The following ARHGAP5 variants were observed in gnomAD, a reference collection of about 807,000 sequenced individuals.
The protein encoded by ARHGAP5 is Rho GTPase activating protein 5.
In ARHGAP5, 23 loss-of-function variants were observed where a neutral mutation model predicts 116.6. The observed-to-expected ratio is 0.20, with a 90% CI of 0.14 to 0.28. The LOEUF is 0.28. Among genes scored for constraint, ARHGAP5 ranks in the 10% least tolerant of loss-of-function variants. The probability of loss-of-function intolerance (pLI) is 1.00; values close to 1 mark genes in which losing one functional copy is unlikely to be tolerated. For missense variants in ARHGAP5, 1,405 were observed against 1,774.8 expected, an observed-to-expected ratio of 0.79 and a Z score of 3.74; for synonymous variants, 574 against 602.0, an observed-to-expected ratio of 0.95 and a Z score of 0.68.
intron 1 of ARHGAP5, among the ~76,000 whole-genome samples, chr14:32,077,925 A>AG (rs544651248): frequency 6.4e-4 from 98 of 152,176 alleles, no homozygotes; most frequent in African/African-American, 2.0e-3. Flanking sequence ...AACGCCTTGT[A>AG]GGGGGGATCG....
chr14:32,082,812 T>G (rs2041791279), intron 1 of ARHGAP5, among the ~76,000 whole-genome samples: 1 of 152,260 alleles, frequency 6.6e-6, no homozygotes. Flanking sequence ...AGTGTTGAGA[T>G]TACAGGCATG....
At chr14:32,118,814 C>T (rs765013657) in intron 3 of ARHGAP5, among the ~76,000 whole-genome samples, 3 of 152,116 alleles carry the variant, frequency 2.0e-5, no homozygotes, top group Non-Finnish European at 4.4e-5. Flanking sequence ...TTAGAACATA[C>T]TTTCCTTTAG....
chr14:32,133,861 T>C (rs1201971294), intron 3 of ARHGAP5, among the ~76,000 whole-genome samples: 3 of 152,204 alleles, frequency 2.0e-5, no homozygotes, highest in Non-Finnish European at 2.9e-5. Flanking sequence ...TTGTCTTTGG[T>C]TCTGTTTATA....
intron 2 of ARHGAP5, among the ~76,000 whole-genome samples, chr14:32,103,775 G>T (rs1220485385): frequency 6.6e-6 from 1 of 152,038 alleles, no homozygotes; most frequent in Non-Finnish European, 1.5e-5. Flanking sequence ...AGTGTGGATG[G>T]AGTACTCAAG....
At chr14:32,081,849 A>G (rs536359876) in intron 1 of ARHGAP5, among the ~76,000 whole-genome samples, 2 of 152,318 alleles carry the variant, frequency 1.3e-5, no homozygotes, top group East Asian at 1.9e-4. Flanking sequence ...AGCCAAGGTA[A>G]TATCTCTTTT....
chr14:32,079,616 A>G (rs1450451229), intron 1 of ARHGAP5, among the ~76,000 whole-genome samples: 10 of 152,190 alleles, frequency 6.6e-5, no homozygotes, highest in African/African-American at 2.4e-5. Flanking sequence ...AGTAGCGATA[A>G]TAAGTTTTCT....
At chr14:32,116,362 G>C (rs1054327165) in intron 2 of ARHGAP5, among the ~76,000 whole-genome samples, 1 of 151,838 alleles carries the variant, frequency 6.6e-6, no homozygotes, top group Admixed American at 6.6e-5. Context: ...AGGCCGAGGC[G>C]GGTGGATCAC....
chr14:32,126,214 A>G (rs1459418971), intron 3 of ARHGAP5, among the ~76,000 whole-genome samples: 1 of 146,278 alleles, frequency 6.8e-6, no homozygotes, highest in Non-Finnish European at 1.5e-5. Context: ...GTATGATATC[A>G]GCTGTGGGTT....
chr14:32,127,357 T>G (rs929753967), intron 3 of ARHGAP5, among the ~76,000 whole-genome samples: 2 of 152,082 alleles, frequency 1.3e-5, no homozygotes, highest in African/African-American at 4.8e-5. Flanking sequence ...GTACTTGAGA[T>G]TAGGGAGTGG....
At chr14:32,128,616 C>G (rs772385146) in intron 3 of ARHGAP5, among the ~76,000 whole-genome samples, 12 of 152,240 alleles carry the variant, frequency 7.9e-5, no homozygotes, top group Non-Finnish European at 1.6e-4. Flanking sequence ...CTGGGCTCGC[C>G]GCGCCTGGCC....
At chr14:32,098,646 C>T (rs1047849551) in intron 2 of ARHGAP5, among the ~76,000 whole-genome samples, 6 of 152,262 alleles carry the variant, frequency 3.9e-5, no homozygotes, top group African/African-American at 1.4e-4. Context: ...GTCTGTTGTA[C>T]CTGGTCACAT....
chr14:32,079,851 C>T (rs116122134), intron 1 of ARHGAP5, among the ~76,000 whole-genome samples: 498 of 152,214 alleles, frequency 3.3e-3, no homozygotes, highest in African/African-American at 9.8e-3. Flanking sequence ...GTATGGTCCA[C>T]AGTTTTTTCT....
chr14:32,112,972 A>G (rs1879385715), intron 2 of ARHGAP5, among the ~76,000 whole-genome samples: 1 of 152,238 alleles, frequency 6.6e-6, no homozygotes, highest in Non-Finnish European at 1.5e-5. Context: ...ATCAAAAACT[A>G]GATATAAACA....
intron 3 of ARHGAP5, 70 bp from the exon 4 acceptor site, chr14:32,146,193 G>A: frequency 1.7e-6 from 2 of 1,161,088 alleles, no homozygotes; most frequent in Non-Finnish European, 2.5e-6. Flanking sequence ...TTACAAACAT[G>A]AGCCACTGTG....
chr14:32,143,239 GTTATTATTA>G (rs879687026), intron 3 of ARHGAP5, among the ~76,000 whole-genome samples: 2 of 143,886 alleles, frequency 1.4e-5, no homozygotes. Flanking sequence ...TGTTGTTGTT[GTTATTATTA>G]TTATTATTAT....
intron 2 of ARHGAP5, among the ~76,000 whole-genome samples, chr14:32,115,684 A>G (rs997868815): frequency 6.9e-6 from 1 of 144,554 alleles, no homozygotes; most frequent in Non-Finnish European, 1.5e-5. Flanking sequence ...AAAAAAAAAA[A>G]GCATCGGCTG....
At chr14:32,094,770 A>G (rs1336133559) in intron 2 of ARHGAP5, among the ~76,000 whole-genome samples, 1 of 152,214 alleles carries the variant, frequency 6.6e-6, no homozygotes, top group Non-Finnish European at 1.5e-5. Context: ...TTAATAATAC[A>G]ATAAAATTGT....
intron 3 of ARHGAP5, among the ~76,000 whole-genome samples, chr14:32,129,016 T>C (rs1880338694): frequency 6.6e-6 from 1 of 152,208 alleles, no homozygotes; most frequent in Non-Finnish European, 1.5e-5. Flanking sequence ...TTTTTCTGCA[T>C]TTTTAGTTTT....
At chr14:32,116,548 G>A (rs149761225) in intron 2 of ARHGAP5, among the ~76,000 whole-genome samples, 2,185 of 152,164 alleles carry the variant, frequency 0.014, 56 homozygotes, top group African/African-American at 0.049. Context: ...AGCCGAGATC[G>A]CGTCACTCCA....
Sources: allele counts gnomAD v4.1 joint callset (sites outside exome capture counted in the v4.1 genomes callset), GRCh38; gene constraint gnomAD v4.1.1; transcripts MANE v1.5; gene names NCBI Gene and HGNC (gene_info 2026-07-23, HGNC 2026-07-21).